The following CELF2 variants were observed in gnomAD, a reference collection of about 807,000 sequenced individuals.
The protein encoded by CELF2 is CUGBP Elav-like family member 2, also known as CUG triplet repeat RNA-binding protein 2.
A neutral mutation model predicts 62.6 loss-of-function variants in CELF2; 8 were observed. The observed-to-expected ratio is 0.13, with a 90% confidence interval of 0.07 to 0.23. The LOEUF is 0.23. Ranked by LOEUF, CELF2 falls within the 10% of genes least tolerant of loss-of-function variation. The probability of loss-of-function intolerance (pLI) is 1.00; values close to 1 mark genes in which losing one functional copy is unlikely to be tolerated. For synonymous variants in CELF2, 258 were observed against 250.0 expected (o/e 1.03, Z -0.30); for missense variants, 333 against 671.0 (o/e 0.50, Z 5.56).
In CELF2 at chr10:11,290,751, A is replaced by G. The variant is rs765629513; in HGVS notation, c.976+2199A>G. On this transcript the variant is annotated intron_variant, in intron 9 of 12. Transcript: ENST00000633077. The surrounding 1 kb of genome is among the most constrained non-coding windows in gnomAD (Gnocchi z 4.3). ...TAAGAGGCTTCTTGCCCTTCAGAAC[A>G]CGCCGCTCGCTTAGGTGTCACTGAG... is the stretch of plus-strand genomic sequence containing the variant. 2.0e-5 allele frequency among the ~76,000 whole-genome samples: 3 copies of G among 152,160 alleles called. No homozygotes were observed. The highest frequency in any genetic ancestry group is 2.9e-5 in the Non-Finnish European group (2 of 68,036).
intron 1 of CELF2, among the ~76,000 whole-genome samples, chr10:11,056,011 G>A (rs1254564736): frequency 6.6e-6 from 1 of 152,200 alleles, no homozygotes; most frequent in African/African-American, 2.4e-5. Context: ...TCCAAGAAGT[G>A]CATTTAGAAA....
chr10:10,683,079 A>G, the CELF2 span, among the ~76,000 whole-genome samples: 3 of 152,204 alleles, frequency 2.0e-5, no homozygotes, highest in Non-Finnish European at 2.9e-5. Context: ...CAAATTTAAG[A>G]GAATAATTAA....
chr10:11,156,466 G>A lies in CELF2; in HGVS notation c.75-9020G>A, dbSNP rs1475702423. On this transcript the variant is annotated intron_variant, in intron 1 of 12. Transcript: ENST00000633077. This position sits in a 1 kb window ranked among gnomAD's most constrained non-coding sequence, Gnocchi z 4.3. ...TTGCAGCCCTCTTATTTAATACCCT[G>A]CAACGCCCTCCCCTGCATGCTTTAT... Among the ~76,000 whole-genome samples the A allele has an allele frequency of 2.6e-5, 4 of 152,072 alleles. No homozygotes were observed. The highest frequency in any genetic ancestry group is 4.4e-5 in the Non-Finnish European group (3 of 68,014).
the CELF2 span, among the ~76,000 whole-genome samples, chr10:10,530,837 G>C: frequency 1.1e-4 from 17 of 152,160 alleles, no homozygotes; most frequent in Admixed American, 2.6e-4. Flanking sequence ...TGTCAATTTG[G>C]TACTTTTTAA....
chr10:10,646,031 G>A, the CELF2 span, among the ~76,000 whole-genome samples: 1 of 152,184 alleles, frequency 6.6e-6, no homozygotes, highest in African/African-American at 2.4e-5. Context: ...TTTTGGGCTA[G>A]GACACTGGAG....
At chr10:10,584,328 G>T in the CELF2 span, among the ~76,000 whole-genome samples, 2 of 152,176 alleles carry the variant, frequency 1.3e-5, no homozygotes, top group Non-Finnish European at 2.9e-5. Flanking sequence ...CATAAAAGGG[G>T]AAATGACATA....
At chr10:10,711,772 C>T in the CELF2 span, among the ~76,000 whole-genome samples, 12 of 151,944 alleles carry the variant, frequency 7.9e-5, no homozygotes, top group Non-Finnish European at 1.8e-4. Flanking sequence ...GTCTCAGCTA[C>T]TTGGGAGGCT....
chr10:11,177,186 TA>T lies in CELF2; in HGVS notation c.271+11510del, dbSNP rs2071511917. ...CCCCTCTCTAAAAAACACCCCTTTC[TA>T]AAAAATTCACATTACTAAGGCATCC... On this transcript the variant is annotated intron_variant, in intron 2 of 12. Coordinates refer to ENST00000633077, the MANE Select transcript of CELF2 (RefSeq NM_001326342.2). This position sits in a 1 kb window ranked among gnomAD's most constrained non-coding sequence, Gnocchi z 4.8. 6.6e-6 allele frequency among the ~76,000 whole-genome samples: 1 copy of T among 152,182 alleles called. No homozygotes were observed. The highest frequency in any genetic ancestry group is 2.4e-5 in the African/African-American group (1 of 41,442).
At chr10:10,695,367 G>A in the CELF2 span, among the ~76,000 whole-genome samples, 5 of 141,766 alleles carry the variant, frequency 3.5e-5, no homozygotes, top group African/African-American at 9.9e-5. Context: ...GGTTTCTGCC[G>A]AGAGATCAGC....
intron 3 of CELF2, among the ~76,000 whole-genome samples, chr10:11,225,593 T>C (rs764148492): frequency 3.3e-5 from 5 of 152,238 alleles, no homozygotes; most frequent in Non-Finnish European, 5.9e-5. Flanking sequence ...TCTGCTTTCC[T>C]CTCTGGTTGA....
intron 1 of CELF2, among the ~76,000 whole-genome samples, chr10:10,808,155 T>A (rs1320547071): frequency 6.6e-6 from 1 of 152,196 alleles, no homozygotes; most frequent in Non-Finnish European, 1.5e-5. Flanking sequence ...ACATAAAACA[T>A]GTTAAAATAA....
chr10:10,737,806 C>G, the CELF2 span, among the ~76,000 whole-genome samples: 1 of 151,868 alleles, frequency 6.6e-6, no homozygotes, highest in African/African-American at 2.4e-5. Context: ...AAAGAAACAC[C>G]CAGCTATAAT....
the CELF2 span, among the ~76,000 whole-genome samples, chr10:10,631,461 CAGA>C: frequency 6.6e-6 from 1 of 152,266 alleles, no homozygotes; most frequent in Admixed American, 6.5e-5. Flanking sequence ...GAGAAAATTC[CAGA>C]AGTTCTCAAG....
At chr10:10,796,889 T>G, upstream of CELF2, 3 of 985,324 alleles carry the variant, frequency 3.0e-6, no homozygotes, top group Non-Finnish European at 3.6e-6. Flanking sequence ...AGAAAGGCAA[T>G]GATTTTTGTA....
At chr10:11,035,398 C>G (rs928008524) in intron 1 of CELF2, among the ~76,000 whole-genome samples, 1 of 152,250 alleles carries the variant, frequency 6.6e-6, no homozygotes, top group Non-Finnish European at 1.5e-5. Flanking sequence ...TTTGGGGAAA[C>G]CTTCCCATTC....
intron 3 of CELF2, among the ~76,000 whole-genome samples, chr10:11,222,424 A>T (rs1422449662): frequency 6.6e-6 from 1 of 152,200 alleles, no homozygotes; most frequent in African/African-American, 2.4e-5. Flanking sequence ...AACTGGGCCA[A>T]GTTAGAGTAT....
At chr10:10,962,360 A>G (rs977007300) in intron 2 of CELF2, among the ~76,000 whole-genome samples, 1 of 152,224 alleles carries the variant, frequency 6.6e-6, no homozygotes, top group African/African-American at 2.4e-5. Context: ...TTGTTATAGG[A>G]TAAGACCAGA....
chr10:10,986,287 C>T (rs184410197), intron 2 of CELF2, among the ~76,000 whole-genome samples: 220 of 152,114 alleles, frequency 1.4e-3, no homozygotes, highest in Non-Finnish European at 2.3e-3. Flanking sequence ...AATCAAAATA[C>T]CAATAGAGAT....
the CELF2 span, among the ~76,000 whole-genome samples, chr10:10,782,532 C>T: frequency 2.6e-5 from 4 of 152,196 alleles, no homozygotes; most frequent in Admixed American, 2.6e-4. Flanking sequence ...GAAACACCCT[C>T]ACAAATGTAC....
Sources: gnomAD v4.1 joint callset for allele counts (sites outside exome capture counted in the v4.1 genomes callset) on GRCh38, gnomAD v4.1.1 for gene constraint, Gnocchi (gnomAD v3.1) non-coding constraint, MANE v1.5 for transcripts, NCBI Gene and HGNC (gene_info 2026-07-23, HGNC 2026-07-21) for gene names.